Variants in PARD3 observed in about 807,000 individuals in gnomAD.
The protein encoded by PARD3 is par-3 family cell polarity regulator.
A neutral mutation model predicts 155.4 loss-of-function variants in PARD3; 75 were observed. The ratio of observed to expected loss-of-function variants is 0.48; its 90% CI spans 0.40 to 0.58. The LOEUF (loss-of-function observed/expected upper bound fraction) is 0.58, where lower values mean the gene tolerates loss of function less well. PARD3 is among the 20% of genes least tolerant of loss of function. PARD3 has a pLI of 0.00. For missense variants in PARD3, 1,642 were observed against 1,721.7 expected (o/e 0.95, Z 0.82); for synonymous variants, 576 against 610.5 (o/e 0.94, Z 0.83).
At chr10:34,699,405 G>A (rs1357914581) in intron 1 of PARD3, among the ~76,000 whole-genome samples, 1 of 152,130 alleles carries the variant, frequency 6.6e-6, no homozygotes, top group Non-Finnish European at 1.5e-5. Flanking sequence ...AAACCAGGAA[G>A]GATATTTTTG....
chr10:34,698,725 C>A (rs377342072), intron 1 of PARD3, among the ~76,000 whole-genome samples: 5 of 152,276 alleles, frequency 3.3e-5, no homozygotes, highest in African/African-American at 1.2e-4. Context: ...TGTTAATGTT[C>A]CTAAAAACCA....
At chr10:34,590,005 C>T (rs1008384218) in intron 2 of PARD3, among the ~76,000 whole-genome samples, 1 of 152,154 alleles carries the variant, frequency 6.6e-6, no homozygotes, top group African/African-American at 2.4e-5. Flanking sequence ...AGATGGTGAA[C>T]ATTACCAATC....
At chr10:34,267,755 GTTC>G (rs1955397372) in intron 22 of PARD3, among the ~76,000 whole-genome samples, 2 of 152,158 alleles carry the variant, frequency 1.3e-5, no homozygotes, top group African/African-American at 4.8e-5. Context: ...CCTTGTGAGG[GTTC>G]TTAACAGTGC....
intron 11 of PARD3, among the ~76,000 whole-genome samples, chr10:34,374,376 T>C (rs886502592): frequency 3.3e-5 from 5 of 152,242 alleles, no homozygotes; most frequent in East Asian, 3.8e-4. Flanking sequence ...ATGAGGCTTA[T>C]TGCCACTTAG....
intron 22 of PARD3, among the ~76,000 whole-genome samples, chr10:34,155,938 C>G (rs1290646958): frequency 6.6e-6 from 1 of 152,118 alleles, no homozygotes; most frequent in African/African-American, 2.4e-5. Flanking sequence ...ACAACAAACA[C>G]AGCTATTTAG....
At chr10:34,804,243 G>T (rs577628853) in intron 1 of PARD3, among the ~76,000 whole-genome samples, 18 of 152,168 alleles carry the variant, frequency 1.2e-4, no homozygotes, top group African/African-American at 4.3e-4. Flanking sequence ...TGTCATGTTG[G>T]CCATGCTGGT....
At position 34,208,038 on chromosome 10, in the gene PARD3, T is replaced by C. The variant is rs545519035; in HGVS notation, c.3419+61619A>G. ...ACCTTTTTATTTCTCAAAGCTTGAATACTGTCTGTGGTGTAAAACAATTTT... is the reference window on the plus strand; with the variant it reads ...ACCTTTTTATTTCTCAAAGCTTGAACACTGTCTGTGGTGTAAAACAATTTT... On this transcript the variant is annotated intron_variant, in intron 22 of 24. Coordinates refer to ENST00000374788, the MANE Select transcript of PARD3 (RefSeq NM_001184785.2). 3.3e-5 allele frequency among the ~76,000 whole-genome samples: 5 copies of C among 152,370 alleles called. No homozygotes were observed. The East Asian group carries it at 7.7e-4, about 23-fold the overall frequency.
At chr10:34,184,640 C>T (rs528065118) in intron 22 of PARD3, among the ~76,000 whole-genome samples, 7 of 151,124 alleles carry the variant, frequency 4.6e-5, no homozygotes, top group South Asian at 2.1e-4. Context: ...AAGGGATTGT[C>T]GATTTACAAC....
rs779452262 is a variant in PARD3, at chr10:34,317,146, G to A, written c.3026C>T (p.Ala1009Val). Residue 1009 changes from alanine (A) to valine (V), a missense_variant, in exon 20 of 25, where the codon GCC becomes GTC. Ala to Val is a moderately conservative substitution (Grantham distance 64). Around this residue, in one of 3 missense-constraint regions of PARD3, gnomAD observed 1,529 missense variants for 1,587.3 expected, o/e 0.96. Transcript: ENST00000374788. ...DRDKEKDKMK[A>V]KKGMLKGLGD... ...CAAGCCCTTCAGCATTCCCTTCTTG[G>A]CTTTCATTTTATCCTTCTCCTTATC... 6.3e-6 allele frequency: 10 copies of A among 1,577,586 alleles called. No individual in the cohort carries two copies. Among genetic ancestry groups the A allele is most frequent in the Non-Finnish European group, 7.8e-6 (9 of 1,160,224 alleles).
intron 1 of PARD3, among the ~76,000 whole-genome samples, chr10:34,722,535 G>T (rs568200847): frequency 1.3e-5 from 2 of 152,156 alleles, no homozygotes; most frequent in Non-Finnish European, 2.9e-5. Context: ...TGACAGCAGG[G>T]TAAGATCAGG....
chr10:34,652,064 AGCTG>A (rs1286882503), intron 2 of PARD3, among the ~76,000 whole-genome samples: 1 of 152,196 alleles, frequency 6.6e-6, no homozygotes, highest in Admixed American at 6.5e-5. Context: ...CTCCCAAGCA[AGCTG>A]GCTGGAATTT....
chr10:34,382,176 T>C (rs1841933411), intron 9 of PARD3, among the ~76,000 whole-genome samples: 1 of 152,102 alleles, frequency 6.6e-6, no homozygotes, highest in Non-Finnish European at 1.5e-5. Context: ...GCAGTCAAAA[T>C]GGTCAAATCC....
At chr10:34,654,129 G>A (rs1239948889) in intron 2 of PARD3, among the ~76,000 whole-genome samples, 2 of 151,310 alleles carry the variant, frequency 1.3e-5, no homozygotes, top group African/African-American at 4.9e-5. Flanking sequence ...GTTCTAATGG[G>A]GACTAGGTGT....
At chr10:34,712,155 C>G (rs910781696) in intron 1 of PARD3, among the ~76,000 whole-genome samples, 1 of 152,158 alleles carries the variant, frequency 6.6e-6, no homozygotes, top group African/African-American at 2.4e-5. Context: ...CACTCTAGTC[C>G]CGATGGATCT....
At chr10:34,692,359 A>G (rs554464681) in intron 2 of PARD3, among the ~76,000 whole-genome samples, 1 of 152,330 alleles carries the variant, frequency 6.6e-6, no homozygotes, top group African/African-American at 2.4e-5. Flanking sequence ...AGACTTCATG[A>G]TGAAGACAGC....
chr10:34,309,642 G>GGC (rs1957598568), intron 20 of PARD3, among the ~76,000 whole-genome samples: 1 of 150,382 alleles, frequency 6.6e-6, no homozygotes, highest in Non-Finnish European at 1.5e-5. Flanking sequence ...ACATTGTTGG[G>GGC]GCAATGTCCT....
intron 22 of PARD3, among the ~76,000 whole-genome samples, chr10:34,155,668 A>ATGTGTGTGTGTGTGTGTGTGTG (rs3039232): frequency 1.4e-5 from 2 of 140,428 alleles, no homozygotes; most frequent in East Asian, 2.2e-4. Flanking sequence ...CCCTCTAAAA[A>ATGTGTGTGTGTGTGTGTGTGTG]TGTGTGTGTG....
intron 16 of PARD3, among the ~76,000 whole-genome samples, chr10:34,338,968 C>G (rs988445722): frequency 6.6e-6 from 1 of 152,120 alleles, no homozygotes; most frequent in African/African-American, 2.4e-5. Context: ...TGATGACAGA[C>G]ATCTACCCTC....
In PARD3 at chr10:34,749,374, T is replaced by C. The variant is rs369468976; in HGVS notation, c.121-52955A>G. 2.1e-4 allele frequency among the ~76,000 whole-genome samples: 32 copies of C among 152,238 alleles called. 1 individual carries two copies. Among genetic ancestry groups the C allele is most frequent in the Middle Eastern group, 3.4e-3 (1 of 294 alleles). On this transcript the variant is annotated intron_variant, in intron 1 of 24. Transcript: ENST00000374788. The stretch of plus-strand genomic sequence containing the variant: ...TGTTATTATTTGCACACAATAAAAC[T>C]GCATACTCGGAAAACCCAAGAAAAT...
Sources: allele counts gnomAD v4.1 joint callset (sites outside exome capture counted in the v4.1 genomes callset), GRCh38; gene constraint gnomAD v4.1.1; regional missense constraint gnomAD v4.1.1; transcripts MANE v1.5; gene names NCBI Gene and HGNC (gene_info 2026-07-23, HGNC 2026-07-21).